ALKBH8: variants seen among roughly 807,000 people sequenced by gnomAD.
ALKBH8 encodes the protein tRNA (carboxymethyluridine(34)-5-O)-methyltransferase ALKBH8.
In ALKBH8, 36 loss-of-function variants were observed where a neutral mutation model predicts 59.8. That is an observed-to-expected ratio of 0.60 (90% CI 0.46 to 0.79). The LOEUF (loss-of-function observed/expected upper bound fraction) is 0.79, where lower values mean the gene tolerates loss of function less well. ALKBH8 is among the 30% of genes least tolerant of loss of function. The pLI, the probability that ALKBH8 is intolerant of heterozygous loss-of-function variation, is 0.00. For synonymous variants in ALKBH8, 276 were observed against 273.6 expected, an observed-to-expected ratio of 1.01 and a Z score of -0.09; for missense variants, 768 against 801.0, an observed-to-expected ratio of 0.96 and a Z score of 0.50.
At chr11:107,524,311 G>A (rs1863260044) in intron 9 of ALKBH8, among the ~76,000 whole-genome samples, 1 of 151,094 alleles carries the variant, frequency 6.6e-6, no homozygotes, top group Non-Finnish European at 1.5e-5. Context: ...CAATTCTCTT[G>A]CCTCAGCCTC....
intron 1 of ALKBH8, chr11:107,563,802 G>T (rs1394919156): frequency 6.6e-6 from 1 of 152,198 alleles, no homozygotes; most frequent in Non-Finnish European, 1.5e-5. Context: ...GCCACTAAGA[G>T]TCCAGCACCA....
At chr11:107,528,445 G>A (rs569294442) in intron 8 of ALKBH8, among the ~76,000 whole-genome samples, 1 of 151,936 alleles carries the variant, frequency 6.6e-6, no homozygotes, top group South Asian at 2.1e-4. Flanking sequence ...ATTTTGTAGA[G>A]GCAAAAAAAA....
At chr11:107,524,906 T>G (rs185980288) in intron 9 of ALKBH8, among the ~76,000 whole-genome samples, 1 of 152,222 alleles carries the variant, frequency 6.6e-6, no homozygotes, top group Non-Finnish European at 1.5e-5. Flanking sequence ...CAGAACATGA[T>G]GTACTTGTAC....
At position 107,549,745 on chromosome 11, in the gene ALKBH8, C is replaced by T; in HGVS notation, c.771+8G>A. On this transcript the variant is annotated splice_region_variant and intron_variant, in intron 7 of 11. Coordinates refer to ENST00000428149, the MANE Select transcript of ALKBH8 (RefSeq NM_138775.3). ...ATATGATGATAGCTAATAAAAATGA[C>T]CATTTACCTCTGACCCCAAACTGAG... 1 of 1,534,428 alleles carries T rather than the reference C, an allele frequency of 6.5e-7. No individual in the cohort carries two copies. Among genetic ancestry groups the T allele is most frequent in the East Asian group, 2.5e-5 (1 of 40,782 alleles).
At chr11:107,565,505 C>T in intron 1 of ALKBH8, 96 bp downstream of exon 1, 1 of 1,520,012 alleles carries the variant, frequency 6.6e-7, no homozygotes, top group Non-Finnish European at 8.8e-7. Flanking sequence ...GTTCTCAGCC[C>T]TAGCTGGCAA....
At chr11:107,512,823 A>AGG (rs1862696036) in intron 10 of ALKBH8, among the ~76,000 whole-genome samples, 1 of 152,356 alleles carries the variant, frequency 6.6e-6, no homozygotes, top group Non-Finnish European at 1.5e-5. Flanking sequence ...GAATGCTCAT[A>AGG]TCAAAACATG....
chr11:107,549,842 C>T lies in ALKBH8; in HGVS notation c.701-19G>A. Reference sequence around the variant, plus strand: ...GGAATTCCTGAGATGGAAAACAGGACAACACGTCACTTCATTTTTTCCTTT... The same window carrying T: ...GGAATTCCTGAGATGGAAAACAGGATAACACGTCACTTCATTTTTTCCTTT... On this transcript the variant is annotated intron_variant, in intron 6 of 11. Transcript: ENST00000428149. 1 of 1,499,954 alleles carries T rather than the reference C, an allele frequency of 6.7e-7. No homozygotes were observed. The highest frequency in any genetic ancestry group is 1.2e-5 in the South Asian group (1 of 82,268). 92.9% of individuals were successfully genotyped at this position (1,499,954 alleles called of 1,614,324 possible).
At position 107,556,070 on chromosome 11, in the gene ALKBH8, G is replaced by A. The variant is rs572973659; in HGVS notation, c.367+696C>T. The stretch of plus-strand genomic sequence containing the variant: ...CAAGGCAGGCGGATTACGAGGTCAG[G>A]AGTTCGAGGCCAGACTGGCCAACAC... On this transcript the variant is annotated intron_variant, in intron 3 of 11. Coordinates refer to ENST00000428149, the MANE Select transcript of ALKBH8 (RefSeq NM_138775.3). Among the ~76,000 whole-genome samples, 7 of 152,280 alleles carry A rather than the reference G, an allele frequency of 4.6e-5. No homozygotes were observed. The East Asian group carries it at 9.7e-4, about 21-fold the overall frequency.
intron 7 of ALKBH8, among the ~76,000 whole-genome samples, chr11:107,545,614 A>G (rs1043089747): frequency 6.6e-6 from 1 of 152,194 alleles, no homozygotes; most frequent in Non-Finnish European, 1.5e-5. Context: ...AAAAGTCATC[A>G]TAATAAGAAA....
chr11:107,560,196 A>T (rs1258904623), intron 2 of ALKBH8, among the ~76,000 whole-genome samples: 1 of 152,230 alleles, frequency 6.6e-6, no homozygotes, highest in Non-Finnish European at 1.5e-5. Context: ...AAATCTCACG[A>T]TCCTCACATT....
At chr11:107,506,059 T>C (rs1451498434) in intron 11 of ALKBH8, among the ~76,000 whole-genome samples, 4 of 152,204 alleles carry the variant, frequency 2.6e-5, no homozygotes, top group African/African-American at 7.2e-5. Flanking sequence ...GTTAAAATGC[T>C]AAACAAAAAT....
chr11:107,523,475 G>C (rs969576379), intron 9 of ALKBH8, among the ~76,000 whole-genome samples: 3 of 152,068 alleles, frequency 2.0e-5, no homozygotes, highest in Non-Finnish European at 2.9e-5. Flanking sequence ...TGGGAGCCGG[G>C]GAGATGCTAA....
intron 8 of ALKBH8, among the ~76,000 whole-genome samples, chr11:107,526,639 A>C (rs1261295476): frequency 6.6e-6 from 1 of 151,990 alleles, no homozygotes; most frequent in Non-Finnish European, 1.5e-5. Context: ...TCTTTAAAAA[A>C]ACTTTGGCTA....
intron 3 of ALKBH8, among the ~76,000 whole-genome samples, chr11:107,556,269 ACT>A (rs1864705805): frequency 6.6e-6 from 1 of 152,018 alleles, no homozygotes; most frequent in South Asian, 2.1e-4. Context: ...CAAGAGCAAA[ACT>A]CTGTCTCAAA....
rs1009605757 is a variant in ALKBH8, at chr11:107,518,056, T to A, written c.1287+4243A>T. ...TTCATCTGTCCTGTAAAGACATTTTTAATAACTTTAATTTAAAAATAAAAT... is the reference window on the plus strand; with the variant it reads ...TTCATCTGTCCTGTAAAGACATTTTAAATAACTTTAATTTAAAAATAAAAT... On this transcript the variant is annotated intron_variant, in intron 10 of 11. Coordinates refer to ENST00000428149, the MANE Select transcript of ALKBH8 (RefSeq NM_138775.3). Among the ~76,000 whole-genome samples, 4 of 151,014 alleles carry A rather than the reference T, an allele frequency of 2.6e-5. 1 individual carries two copies. The South Asian group carries it at 8.7e-4, about 33-fold the overall frequency.
chr11:107,534,757 C>CTTT lies in ALKBH8; in HGVS notation c.772-2354_772-2352dup, dbSNP rs35760148. Among the ~76,000 whole-genome samples the CTTT allele has an allele frequency of 3.6e-3, 527 of 147,890 alleles. 4 individuals are homozygous for CTTT. Among genetic ancestry groups the CTTT allele is most frequent in the East Asian group, 8.1e-3 (41 of 5,066 alleles). On this transcript the variant is annotated intron_variant, in intron 7 of 11. Transcript: ENST00000428149. The stretch of plus-strand genomic sequence containing the variant: ...CTGTATCAAATTGACCATTCCTCAT[C>CTTT]TTTTTTTTTTTTCTCAATAGGTTTT...
At chr11:107,551,994 T>A in intron 5 of ALKBH8, 82 bp from the exon 6 acceptor site, 1 of 691,230 alleles carries the variant, frequency 1.4e-6, no homozygotes, top group Non-Finnish European at 2.1e-6. Flanking sequence ...GTCACTGTGA[T>A]ATAAATCTCT....
At chr11:107,549,099 C>T (rs149489193) in intron 7 of ALKBH8, among the ~76,000 whole-genome samples, 3,877 of 152,212 alleles carry the variant, frequency 0.025, 146 homozygotes, top group African/African-American at 0.084. Flanking sequence ...GATCTGCCCG[C>T]CTCAGCCTCC....
At chr11:107,509,722 T>C (rs964270659) in intron 11 of ALKBH8, among the ~76,000 whole-genome samples, 1 of 152,210 alleles carries the variant, frequency 6.6e-6, no homozygotes, top group Non-Finnish European at 1.5e-5. Flanking sequence ...ATGTGGTCAA[T>C]GAATTATTTT....
Sources: allele counts gnomAD v4.1 joint callset (sites outside exome capture counted in the v4.1 genomes callset), GRCh38; gene constraint gnomAD v4.1.1; transcripts MANE v1.5; gene names NCBI Gene and HGNC (gene_info 2026-07-23, HGNC 2026-07-21).